The following RAI2 variants were observed in gnomAD, a reference collection of about 807,000 sequenced individuals.
RAI2 encodes retinoic acid induced 2.
A neutral mutation model predicts 15.3 loss-of-function variants in RAI2; 5 were observed. The observed-to-expected ratio is 0.33, with a 90% CI of 0.17 to 0.69. The LOEUF is 0.69. Among genes scored for constraint, RAI2 ranks in the 30% least tolerant of loss-of-function variants. The pLI, the probability that RAI2 is intolerant of heterozygous loss-of-function variation, is 0.69. For synonymous variants in RAI2, 191 were observed against 184.0 expected, an observed-to-expected ratio of 1.04 and a Z score of -0.31; for missense variants, 424 against 424.7, an observed-to-expected ratio of 1.00 and a Z score of 0.01.
chrX:17,804,496 T>A (rs914407448), intron 1 of RAI2, among the ~76,000 whole-genome samples: 1 of 112,036 alleles, frequency 8.9e-6, no homozygotes, highest in African/African-American at 3.2e-5. Flanking sequence ...CCTGAGAACC[T>A]AAGGCCAGAT....
chrX:17,839,303 A>G (rs2067371605), intron 1 of RAI2, among the ~76,000 whole-genome samples: 1 of 111,919 alleles, frequency 8.9e-6, no homozygotes, highest in Non-Finnish European at 1.9e-5. Context: ...CCCCCTTCGC[A>G]GTAAGGAGAC....
At position 17,801,132 on chromosome X, in the gene RAI2, G is replaced by C. The variant is rs746538950; in HGVS notation, c.879C>G (p.Ile293Met). ...LEKDELKPFD[I>M]LQPKEYFQLS... ...GCTGGAAGTACTCCTTAGGCTGGAG[G>C]ATGTCAAAGGGCTTCAGTTCATCTT... Residue 293 changes from isoleucine to methionine, a missense_variant, in exon 2 of 2, where the codon ATC becomes ATG. Physicochemically the swap from Ile to Met is conservative, Grantham distance 10. Transcript: ENST00000451717. 1 of 1,211,623 alleles carries C rather than the reference G, an allele frequency of 8.3e-7. No homozygotes were observed. The highest frequency in any genetic ancestry group is 2.2e-5 in the Admixed American group (1 of 46,057).
intron 1 of RAI2, among the ~76,000 whole-genome samples, chrX:17,839,434 G>A (rs2067372762): frequency 8.9e-6 from 1 of 112,316 alleles, no homozygotes; most frequent in Non-Finnish European, 1.9e-5. Flanking sequence ...TCCAGAAGGT[G>A]CCATCCTCTC....
intron 1 of RAI2, among the ~76,000 whole-genome samples, chrX:17,805,054 C>A (rs114449736): frequency 0.043 from 4,833 of 112,711 alleles, 257 homozygotes; most frequent in African/African-American, 0.14. Context: ...AGGGGTCTTA[C>A]AATTATGCCC....
intron 1 of RAI2, among the ~76,000 whole-genome samples, chrX:17,833,419 C>A (rs188058610): frequency 9.0e-6 from 1 of 111,386 alleles, no homozygotes; most frequent in African/African-American, 3.3e-5. Flanking sequence ...CTACTCAGGA[C>A]GCTCAGGCAG....
At chrX:17,805,956 TCTC>T (rs1305034398) in intron 1 of RAI2, among the ~76,000 whole-genome samples, 2 of 111,343 alleles carry the variant, frequency 1.8e-5, no homozygotes, top group Non-Finnish European at 3.8e-5. Context: ...TCTCACTACA[TCTC>T]CTCCTCTTGC....
At chrX:17,854,795 T>C (rs1173771184) in intron 1 of RAI2, among the ~76,000 whole-genome samples, 1 of 112,027 alleles carries the variant, frequency 8.9e-6, no homozygotes, top group Admixed American at 9.4e-5. Context: ...GGATTCTTCC[T>C]GTGCTCCAGT....
At chrX:17,852,976 C>T (rs1176389072) in intron 1 of RAI2, among the ~76,000 whole-genome samples, 1 of 108,968 alleles carries the variant, frequency 9.2e-6, no homozygotes, top group Non-Finnish European at 1.9e-5. Context: ...ACGAGCAGAG[C>T]TCTCACAAGT....
intron 1 of RAI2, among the ~76,000 whole-genome samples, chrX:17,834,923 A>G (rs1023040449): frequency 9.0e-6 from 1 of 111,258 alleles, no homozygotes; most frequent in Non-Finnish European, 1.9e-5. Context: ...AGGCAATGGC[A>G]GAGAGCCACA....
At chrX:17,825,764 C>T (rs760240912) in intron 1 of RAI2, among the ~76,000 whole-genome samples, 26 of 112,624 alleles carry the variant, frequency 2.3e-4, no homozygotes, top group Admixed American at 9.3e-4. Flanking sequence ...CAAGTAATTC[C>T]CTGAAAACTG....
In RAI2 at chrX:17,856,372, A is replaced by G. The variant is rs111714234; in HGVS notation, c.-25+4726T>C. Among the ~76,000 whole-genome samples, 830 of 111,624 alleles carry G rather than the reference A, an allele frequency of 7.4e-3. 10 individuals carry two copies. Among genetic ancestry groups the G allele is most frequent in the African/African-American group, 0.025 (782 of 30,696 alleles). Reference sequence around the variant, plus strand: ...ATTAGGTCGTGAGAGTGGAGCCTTCATGAATGGGATGAGTGCCCTTGTAAA... The same window carrying G: ...ATTAGGTCGTGAGAGTGGAGCCTTCGTGAATGGGATGAGTGCCCTTGTAAA... On this transcript the variant is annotated intron_variant, in intron 1 of 1. Transcript: ENST00000451717.
chrX:17,855,622 C>T (rs2067592136), intron 1 of RAI2, among the ~76,000 whole-genome samples: 1 of 111,739 alleles, frequency 8.9e-6, no homozygotes, highest in African/African-American at 3.3e-5. Context: ...CCCCTGCCTC[C>T]CACCTGCCAT....
At chrX:17,808,303 CAG>C (rs1197122762) in intron 1 of RAI2, among the ~76,000 whole-genome samples, 1 of 110,583 alleles carries the variant, frequency 9.0e-6, no homozygotes, top group African/African-American at 3.3e-5. Flanking sequence ...CCCACTGAAT[CAG>C]AATCTGCCTT....
intron 1 of RAI2, among the ~76,000 whole-genome samples, chrX:17,838,220 G>A (rs2067356878): frequency 8.9e-6 from 1 of 112,252 alleles, no homozygotes; most frequent in Non-Finnish European, 1.9e-5. Context: ...AGGGTGCTGG[G>A]ACTGTATTCT....
intron 1 of RAI2, among the ~76,000 whole-genome samples, chrX:17,814,831 G>A (rs1299268837): frequency 9.0e-6 from 1 of 110,564 alleles, no homozygotes; most frequent in African/African-American, 3.3e-5. Flanking sequence ...ATGTTCCTGG[G>A]ATGAGTCACA....
At chrX:17,842,828 T>C (rs1318002430) in intron 1 of RAI2, among the ~76,000 whole-genome samples, 2 of 111,719 alleles carry the variant, frequency 1.8e-5, no homozygotes, top group African/African-American at 6.5e-5. Flanking sequence ...CAAGATTTAC[T>C]ACCAAGGTAA....
chrX:17,854,324 G>C (rs762997838), intron 1 of RAI2, among the ~76,000 whole-genome samples: 50 of 112,140 alleles, frequency 4.5e-4, no homozygotes, highest in Admixed American at 1.2e-3. Flanking sequence ...GCCTGGTTGT[G>C]CATACGGGGG....
chrX:17,848,486 G>T (rs2067489835), intron 1 of RAI2, among the ~76,000 whole-genome samples: 1 of 105,791 alleles, frequency 9.5e-6, no homozygotes, highest in African/African-American at 3.4e-5. Flanking sequence ...CTTTCCACCT[G>T]TATCTAAAAA....
intron 1 of RAI2, among the ~76,000 whole-genome samples, chrX:17,850,465 G>A (rs2067516320): frequency 8.9e-6 from 1 of 112,632 alleles, no homozygotes; most frequent in African/African-American, 3.2e-5. Flanking sequence ...GCACGCTTGT[G>A]CGTTCATGTT....
Sources: gnomAD v4.1 joint callset for allele counts (sites outside exome capture counted in the v4.1 genomes callset) on GRCh38, gnomAD v4.1.1 for gene constraint, MANE v1.5 for transcripts, NCBI Gene and HGNC (gene_info 2026-07-23, HGNC 2026-07-21) for gene names.